The following TET1 variants were observed in gnomAD, a reference collection of about 807,000 sequenced individuals.
TET1 encodes the protein methylcytosine dioxygenase TET1.
TET1 carries 13 observed loss-of-function variants against 148.7 expected under a neutral mutation model. The ratio of observed to expected loss-of-function variants is 0.09; its 90% confidence interval spans 0.06 to 0.14. TET1 has a LOEUF of 0.14. Ranked by LOEUF, TET1 falls within the 10% of genes least tolerant of loss-of-function variation. The pLI is 1.00. For missense variants in TET1, 2,182 were observed against 2,553.8 expected, an observed-to-expected ratio of 0.85 and a Z score of 3.14; for synonymous variants, 907 against 937.2, an observed-to-expected ratio of 0.97 and a Z score of 0.59.
intron 8 of TET1, among the ~76,000 whole-genome samples, chr10:68,673,640 A>C (rs1016737066): frequency 6.6e-6 from 1 of 152,098 alleles, no homozygotes; most frequent in Non-Finnish European, 1.5e-5. Context: ...ACCAATAGGA[A>C]CTAAGTATTC....
At position 68,561,118 on chromosome 10, in the gene TET1, G is replaced by A. The variant is rs2053547617; in HGVS notation, c.-123+376G>A. ...GGGGAGATGGCTGAATATACCAGCG[G>A]TTGGTTCCCTGGCCCCTTTGGGGAG... On this transcript the variant is annotated intron_variant, in intron 1 of 11. Coordinates refer to ENST00000373644, the MANE Select transcript of TET1 (RefSeq NM_030625.3). Among the ~76,000 whole-genome samples the A allele has an allele frequency of 2.0e-5, 3 of 152,206 alleles. No individual in the cohort carries two copies. The South Asian group carries it at 6.2e-4, about 32-fold the overall frequency.
intron 1 of TET1, among the ~76,000 whole-genome samples, chr10:68,564,009 A>T (rs1233569005): frequency 6.6e-6 from 1 of 152,160 alleles, no homozygotes; most frequent in Non-Finnish European, 1.5e-5. Context: ...CTTACACTTT[A>T]AGAAGCCAGC....
chr10:68,690,729 T>A, intron 11 of TET1, 79 bp from the exon 12 acceptor site: 3 of 1,395,554 alleles, frequency 2.1e-6, no homozygotes, highest in Non-Finnish European at 2.9e-6. Flanking sequence ...TTTGTACTTG[T>A]CTTTGAAAAT....
intron 3 of TET1, among the ~76,000 whole-genome samples, chr10:68,615,585 A>T (rs554711677): frequency 9.9e-5 from 15 of 152,116 alleles, no homozygotes; most frequent in African/African-American, 3.6e-4. Flanking sequence ...ACCTCAAGTG[A>T]TCCACCTGCC....
chr10:68,585,369 G>T (rs2053849642), intron 2 of TET1, among the ~76,000 whole-genome samples: 1 of 151,964 alleles, frequency 6.6e-6, no homozygotes, highest in Non-Finnish European at 1.5e-5. Context: ...CCTGACGTCA[G>T]GTGATCAGCC....
intron 3 of TET1, among the ~76,000 whole-genome samples, chr10:68,625,260 T>A (rs1410882558): frequency 1.3e-5 from 2 of 152,224 alleles, no homozygotes; most frequent in Non-Finnish European, 2.9e-5. Context: ...CAGTATCTAG[T>A]CCCTATGATT....
intron 2 of TET1, among the ~76,000 whole-genome samples, chr10:68,581,925 G>A (rs144317057): frequency 1.3e-5 from 2 of 152,114 alleles, no homozygotes; most frequent in African/African-American, 4.8e-5. Flanking sequence ...TGATTTTGGT[G>A]TAGTATCATG....
rs775107195 is a variant in TET1, at chr10:68,573,935, C to T, written c.1597C>T (p.Leu533Phe). The T allele has an allele frequency of 6.2e-7, 1 of 1,614,228 alleles. No homozygotes were observed. The highest frequency in any genetic ancestry group is 8.5e-7 in the Non-Finnish European group (1 of 1,180,042). ...CCATGCTTCACTGGGTATAGCCCAA[C>T]TCTCTCAGGCTGGTCCTAGCAAATC... ...LFHASLGIAQ[L>F]SQAGPSKSDR... Residue 533 changes from leucine (L) to phenylalanine (F), a missense_variant, in exon 2 of 12, where the codon CTC becomes TTC. Physicochemically the swap from Leu to Phe is conservative, Grantham distance 22 (BLOSUM62 0). Transcript: ENST00000373644.
chr10:68,656,113 A>T (rs1453530343), intron 6 of TET1, among the ~76,000 whole-genome samples: 3 of 152,198 alleles, frequency 2.0e-5, no homozygotes, highest in Non-Finnish European at 4.4e-5. Context: ...TAGGAAAACA[A>T]GCTCAGGGCT....
intron 2 of TET1, among the ~76,000 whole-genome samples, chr10:68,583,781 C>T (rs1224912215): frequency 1.3e-5 from 2 of 151,920 alleles, no homozygotes; most frequent in African/African-American, 4.8e-5. Context: ...CATGATGGCG[C>T]GTGTCTGTAG....
At chr10:68,604,676 G>C (rs1339301041) in intron 3 of TET1, among the ~76,000 whole-genome samples, 1 of 152,190 alleles carries the variant, frequency 6.6e-6, no homozygotes, top group Non-Finnish European at 1.5e-5. Flanking sequence ...TCAGCCTTCT[G>C]GGATGTGTAA....
chr10:68,690,352 A>C (rs916067497), intron 11 of TET1, among the ~76,000 whole-genome samples: 3 of 152,232 alleles, frequency 2.0e-5, no homozygotes, highest in African/African-American at 7.2e-5. Context: ...TCAAGCCTGT[A>C]ATCCCAGCAC....
In TET1 at chr10:68,645,364, T is replaced by C. The variant is rs1362146784; in HGVS notation, c.2635T>C (p.Ser879Pro). 1.9e-6 allele frequency: 3 copies of C among 1,614,058 alleles called. No homozygotes were observed. Among genetic ancestry groups the C allele is most frequent in the Admixed American group, 1.7e-5 (1 of 60,004 alleles). Reference protein sequence around the residue: ...DGSPVQPSLLSLMKDRRLTLE... With the variant: ...DGSPVQPSLLPLMKDRRLTLE... ...ATCTCCCGTTCAACCAAGTCTCTTA[T>C]CGTTAATGAAAGATAGGAGATTAAC... is the stretch of plus-strand genomic sequence containing the variant. Residue 879 changes from serine (S) to proline (P), a missense_variant, in exon 4 of 12, where the codon TCG (serine) becomes CCG (proline). Around this residue, in one of 11 missense-constraint regions of TET1, gnomAD observed 582 missense variants for 599.5 expected, o/e 0.97. Coordinates refer to ENST00000373644, the MANE Select transcript of TET1 (RefSeq NM_030625.3).
At chr10:68,565,331 A>G (rs2053594890) in intron 1 of TET1, among the ~76,000 whole-genome samples, 1 of 151,848 alleles carries the variant, frequency 6.6e-6, no homozygotes, top group African/African-American at 2.4e-5. Flanking sequence ...GAAAGAAAAA[A>G]TTAGCCTGGT....
intron 10 of TET1, among the ~76,000 whole-genome samples, chr10:68,683,773 T>C (rs2055472241): frequency 6.6e-6 from 1 of 152,232 alleles, no homozygotes; most frequent in African/African-American, 2.4e-5. Context: ...AGCATGTTAC[T>C]TGATATTTGT....
intron 1 of TET1, among the ~76,000 whole-genome samples, chr10:68,568,318 G>A (rs1242327938): frequency 2.7e-5 from 4 of 147,814 alleles, no homozygotes; most frequent in South Asian, 2.2e-4. Context: ...CACCTCTCTG[G>A]TTCAAGCGAT....
At chr10:68,599,037 T>A (rs980577834) in intron 2 of TET1, among the ~76,000 whole-genome samples, 1 of 152,000 alleles carries the variant, frequency 6.6e-6, no homozygotes, top group Non-Finnish European at 1.5e-5. Flanking sequence ...GAGGGGTGGG[T>A]GAGTGAGAGG....
At chr10:68,678,044 A>G (rs1421966377) in intron 8 of TET1, among the ~76,000 whole-genome samples, 2 of 150,806 alleles carry the variant, frequency 1.3e-5, no homozygotes, top group East Asian at 2.0e-4. Flanking sequence ...TACAGGCGTG[A>G]GCCACCACGC....
At chr10:68,587,159 A>G (rs2053870524) in intron 2 of TET1, among the ~76,000 whole-genome samples, 1 of 152,108 alleles carries the variant, frequency 6.6e-6, no homozygotes, top group Non-Finnish European at 1.5e-5. Flanking sequence ...TTGTATAATG[A>G]GAGGGTTTTG....
Sources: gnomAD v4.1 joint callset for allele counts (sites outside exome capture counted in the v4.1 genomes callset) on GRCh38, gnomAD v4.1.1 for gene constraint, gnomAD v4.1.1 regional missense constraint, MANE v1.5 for transcripts, NCBI Gene and HGNC (gene_info 2026-07-23, HGNC 2026-07-21) for gene names.